The following MAGI1 variants were observed in gnomAD, a reference collection of about 807,000 sequenced individuals.
MAGI1 encodes the protein membrane-associated guanylate kinase, WW and PDZ domain-containing protein 1.
In MAGI1, 58 loss-of-function variants were observed where a neutral mutation model predicts 139.9. The observed-to-expected ratio is 0.41, with a 90% CI of 0.34 to 0.52. The LOEUF is 0.52. Among genes scored for constraint, MAGI1 ranks in the 20% least tolerant of loss-of-function variants. The probability of loss-of-function intolerance (pLI) is 0.12; values close to 1 mark genes in which losing one functional copy is unlikely to be tolerated. For synonymous variants in MAGI1, 812 were observed against 737.9 expected, an observed-to-expected ratio of 1.10 and a Z score of -1.63; for missense variants, 1,874 against 1,901.6, an observed-to-expected ratio of 0.99 and a Z score of 0.27.
intron 1 of MAGI1, among the ~76,000 whole-genome samples, chr3:65,940,248 T>C (rs1458288719): frequency 1.3e-5 from 2 of 152,208 alleles, no homozygotes; most frequent in African/African-American, 2.4e-5. Flanking sequence ...ATTTACTCTG[T>C]ATGCCACACT....
Position 65,744,728 on chromosome 3 carries a change from G to A in MAGI1, c.314-122640C>T, listed in dbSNP as rs928532809. Among the ~76,000 whole-genome samples, 8 of 151,964 alleles carry A rather than the reference G, an allele frequency of 5.3e-5. No homozygotes were observed. The South Asian group carries it at 6.3e-4, about 12-fold the overall frequency. On this transcript the variant is annotated intron_variant, in intron 1 of 22. Transcript: ENST00000402939. ...TTTAATAAAGGTAAGAAAAAGATGCGAAAGTATTAACAGTGAAATCTCCGA... is the reference window on the plus strand; with the variant it reads ...TTTAATAAAGGTAAGAAAAAGATGCAAAAGTATTAACAGTGAAATCTCCGA...
At chr3:65,843,223 T>C (rs1276070554) in intron 1 of MAGI1, among the ~76,000 whole-genome samples, 1 of 152,190 alleles carries the variant, frequency 6.6e-6, no homozygotes, top group Admixed American at 6.5e-5. Context: ...TCCTTTTTCC[T>C]AGAAGGATCC....
At position 65,394,616 on chromosome 3, in the gene MAGI1, T is replaced by C. The variant is rs1400477593; in HGVS notation, c.2200-3258A>G. Among the ~76,000 whole-genome samples, 7 of 151,114 alleles carry C rather than the reference T, an allele frequency of 4.6e-5. No individual in the cohort carries two copies. In the South Asian group the frequency reaches 8.6e-4, roughly 19 times the overall value. ...TTAATTTGAAGACATATTCTGTAAT[T>C]TAATATCTTGTGGGCACTCTGGATT... On this transcript the variant is annotated intron_variant, in intron 13 of 22. Coordinates refer to ENST00000402939, the MANE Select transcript of MAGI1 (RefSeq NM_001033057.2).
chr3:65,426,425 C>T (rs917551647), intron 12 of MAGI1, among the ~76,000 whole-genome samples: 2 of 152,174 alleles, frequency 1.3e-5, no homozygotes, highest in African/African-American at 4.8e-5. Context: ...ACAAACATAG[C>T]AGCCAGTTCT....
chr3:65,493,869 C>T (rs970382484), intron 2 of MAGI1, among the ~76,000 whole-genome samples: 1 of 152,194 alleles, frequency 6.6e-6, no homozygotes, highest in Admixed American at 6.5e-5. Flanking sequence ...AAACCAAGCA[C>T]CGCTGGGTAA....
At chr3:65,410,078 C>T (rs1285242727) in intron 12 of MAGI1, among the ~76,000 whole-genome samples, 1 of 152,178 alleles carries the variant, frequency 6.6e-6, no homozygotes, top group Non-Finnish European at 1.5e-5. Context: ...TAAGAAAGAC[C>T]TAAAGTCATA....
intron 1 of MAGI1, among the ~76,000 whole-genome samples, chr3:65,885,533 C>G (rs527521731): frequency 6.6e-6 from 1 of 152,158 alleles, no homozygotes; most frequent in South Asian, 2.1e-4. Flanking sequence ...GGAATTGTAG[C>G]TTCCTTAATC....
chr3:65,357,370 T>C (rs1041398849), intron 22 of MAGI1, among the ~76,000 whole-genome samples: 1 of 152,148 alleles, frequency 6.6e-6, no homozygotes, highest in African/African-American at 2.4e-5. Context: ...ACCCGAGACA[T>C]AGATCATTAA....
intron 1 of MAGI1, among the ~76,000 whole-genome samples, chr3:65,933,131 A>G (rs928756900): frequency 3.9e-5 from 6 of 152,208 alleles, no homozygotes; most frequent in African/African-American, 1.2e-4. Flanking sequence ...ACTAAACTCA[A>G]TATTAATCCA....
chr3:65,884,750 A>T (rs556553000), intron 1 of MAGI1, among the ~76,000 whole-genome samples: 1 of 152,204 alleles, frequency 6.6e-6, no homozygotes, highest in Admixed American at 6.5e-5. Context: ...CCATCTCTCC[A>T]TCCCCACTTT....
At chr3:65,744,263 G>A (rs770180257) in intron 1 of MAGI1, among the ~76,000 whole-genome samples, 5 of 152,160 alleles carry the variant, frequency 3.3e-5, no homozygotes. Flanking sequence ...GAATAGTATA[G>A]AATCTATAGA....
At chr3:65,949,897 A>C (rs970169358) in intron 1 of MAGI1, among the ~76,000 whole-genome samples, 6 of 152,038 alleles carry the variant, frequency 3.9e-5, no homozygotes, top group Admixed American at 3.9e-4. Flanking sequence ...AAAAATACAT[A>C]AATTAGCCGG....
intron 1 of MAGI1, among the ~76,000 whole-genome samples, chr3:65,824,961 T>C (rs565693101): frequency 6.6e-6 from 1 of 152,200 alleles, no homozygotes; most frequent in African/African-American, 2.4e-5. Flanking sequence ...GAAAGAAGCA[T>C]GTCTGTACTC....
chr3:65,482,610 G>A (rs1433726245), intron 3 of MAGI1, among the ~76,000 whole-genome samples: 1 of 152,070 alleles, frequency 6.6e-6, no homozygotes, highest in Non-Finnish European at 1.5e-5. Flanking sequence ...TAAACTATAA[G>A]GTGTTAAATA....
At chr3:66,021,587 G>T (rs1003912239) in intron 1 of MAGI1, among the ~76,000 whole-genome samples, 5 of 152,198 alleles carry the variant, frequency 3.3e-5, no homozygotes, top group African/African-American at 1.2e-4. Flanking sequence ...AGAGCCTGGA[G>T]CATCACACGC....
chr3:65,692,230 A>G (rs558335863), intron 1 of MAGI1, among the ~76,000 whole-genome samples: 4 of 152,326 alleles, frequency 2.6e-5, no homozygotes, highest in Admixed American at 1.3e-4. Flanking sequence ...TGCGATACAA[A>G]ATCCATGTTT....
At chr3:65,808,234 C>T (rs1389810184) in intron 1 of MAGI1, among the ~76,000 whole-genome samples, 6 of 152,180 alleles carry the variant, frequency 3.9e-5, no homozygotes, top group Admixed American at 2.0e-4. Flanking sequence ...ATCCACCCGC[C>T]TTGGCCTCCC....
intron 1 of MAGI1, among the ~76,000 whole-genome samples, chr3:65,667,375 G>C (rs1308312084): frequency 6.6e-6 from 1 of 152,136 alleles, no homozygotes; most frequent in African/African-American, 2.4e-5. Context: ...CGATTCCTGG[G>C]AGAAAAGCAG....
At chr3:65,784,013 C>T (rs933881665) in intron 1 of MAGI1, among the ~76,000 whole-genome samples, 4 of 151,912 alleles carry the variant, frequency 2.6e-5, no homozygotes, top group Non-Finnish European at 5.9e-5. Flanking sequence ...ATCCCAGCTA[C>T]TCAGGAGGCT....
Sources: allele counts gnomAD v4.1 joint callset (sites outside exome capture counted in the v4.1 genomes callset), GRCh38; gene constraint gnomAD v4.1.1; transcripts MANE v1.5; gene names NCBI Gene and HGNC (gene_info 2026-07-23, HGNC 2026-07-21).